The following EHMT1 variants were observed in gnomAD, a reference collection of about 807,000 sequenced individuals.
EHMT1 encodes euchromatic histone lysine methyltransferase 1.
Under a neutral mutation model 147.2 loss-of-function variants are expected in EHMT1, and 15 were observed. The ratio of observed to expected loss-of-function variants is 0.10; its 90% CI spans 0.07 to 0.16. The LOEUF (loss-of-function observed/expected upper bound fraction) is 0.16, where lower values mean the gene tolerates loss of function less well. EHMT1 is among the 10% of genes least tolerant of loss of function. EHMT1 has a pLI of 1.00. For synonymous variants in EHMT1, 795 were observed against 709.6 expected, an observed-to-expected ratio of 1.12 and a Z score of -1.91; for missense variants, 1,587 against 1,772.4, an observed-to-expected ratio of 0.90 and a Z score of 1.88.
At chr9:137,811,078 C>T (rs1223179684) in intron 18 of EHMT1, among the ~76,000 whole-genome samples, 1 of 151,942 alleles carries the variant, frequency 6.6e-6, no homozygotes, top group Non-Finnish European at 1.5e-5. Flanking sequence ...ATGACTATAC[C>T]CCTGCTTGGA....
At chr9:137,725,600 C>T (rs1409332785) in intron 3 of EHMT1, among the ~76,000 whole-genome samples, 1 of 152,110 alleles carries the variant, frequency 6.6e-6, no homozygotes, top group Non-Finnish European at 1.5e-5. Flanking sequence ...CAGTAGGGAG[C>T]CCAGGTCGTT....
intron 1 of EHMT1, among the ~76,000 whole-genome samples, chr9:137,703,509 ACC>A (rs1422043225): frequency 6.6e-6 from 1 of 152,220 alleles, no homozygotes; most frequent in East Asian, 1.9e-4. Flanking sequence ...AATTTCTTCC[ACC>A]ACATACCCTA....
intron 1 of EHMT1, among the ~76,000 whole-genome samples, chr9:137,656,483 G>A (rs924247128): frequency 1.3e-5 from 2 of 152,232 alleles, no homozygotes; most frequent in Admixed American, 1.3e-4. Context: ...GAAGTTTCCT[G>A]TTAACTATTG....
chr9:137,655,025 T>C (rs1938287076), intron 1 of EHMT1, among the ~76,000 whole-genome samples: 1 of 150,910 alleles, frequency 6.6e-6, no homozygotes, highest in Admixed American at 6.6e-5. Context: ...CGAGATGGAG[T>C]CTTGCTCTTG....
chr9:137,726,139 A>T (rs942232524), intron 3 of EHMT1, among the ~76,000 whole-genome samples: 3 of 152,034 alleles, frequency 2.0e-5, no homozygotes, highest in African/African-American at 4.8e-5. Context: ...CATAATATCA[A>T]ACTTAACCAT....
chr9:137,780,569 T>C (rs1265744347), intron 14 of EHMT1, among the ~76,000 whole-genome samples: 1 of 125,562 alleles, frequency 8.0e-6, no homozygotes, highest in Non-Finnish European at 1.6e-5. Flanking sequence ...ATCACTGAGA[T>C]GTGTGGTGAT....
At position 137,828,478 on chromosome 9, in the gene EHMT1, G is replaced by C. The variant is rs1955971851; in HGVS notation, c.3541-5871G>C. 6.6e-6 allele frequency among the ~76,000 whole-genome samples: 1 copy of C among 151,984 alleles called. No individual in the cohort carries two copies. The highest frequency in any genetic ancestry group is 2.4e-5 in the African/African-American group (1 of 41,368). On this transcript the variant is annotated intron_variant, in intron 25 of 26. Transcript: ENST00000460843. This position sits in a 1 kb window ranked among gnomAD's most constrained non-coding sequence, Gnocchi z 5.3. ...GGGCAGTGAGGCCAAGCAGAGCACA[G>C]GGTCTCGAGACCCCATGACCTCTAG...
chr9:137,680,622 T>C (rs1239203294), intron 1 of EHMT1, among the ~76,000 whole-genome samples: 2 of 152,230 alleles, frequency 1.3e-5, no homozygotes, highest in Non-Finnish European at 2.9e-5. Context: ...GTTTGTCCAT[T>C]GTGAGATGGT....
rs571048314 is a variant in EHMT1, at chr9:137,784,431, C to T, written c.2382+2034C>T. The T allele has an allele frequency of 2.6e-5, 31 of 1,190,930 alleles. No homozygotes were observed. The South Asian group carries it at 4.5e-4, about 17-fold the overall frequency. 73.8% of individuals were successfully genotyped at this position (1,190,930 alleles called of 1,614,324 possible). ...TGAAGCCAATACTTTTTTGGTCGTT[C>T]GTGCATCTTTTGAATTGGTTTTATT... is the stretch of plus-strand genomic sequence containing the variant. On this transcript the variant is annotated intron_variant, in intron 15 of 26. Coordinates refer to ENST00000460843, the MANE Select transcript of EHMT1 (RefSeq NM_024757.5).
chr9:137,755,189 T>C (rs1467287379), intron 8 of EHMT1, among the ~76,000 whole-genome samples: 1 of 152,224 alleles, frequency 6.6e-6, no homozygotes, highest in Non-Finnish European at 1.5e-5. Flanking sequence ...ATCAGTGCCA[T>C]GAGCTCCTCT....
intron 1 of EHMT1, among the ~76,000 whole-genome samples, chr9:137,645,126 G>A (rs1334946077): frequency 2.6e-5 from 4 of 152,192 alleles, no homozygotes; most frequent in African/African-American, 7.2e-5. Context: ...GCCTGCCTCG[G>A]CCTCCCGAAG....
chr9:137,823,139 C>T (rs1348957310), intron 25 of EHMT1, among the ~76,000 whole-genome samples: 2 of 148,654 alleles, frequency 1.3e-5, no homozygotes, highest in Non-Finnish European at 3.0e-5. Flanking sequence ...CACTCTGTCG[C>T]CCAGGCTGGA....
At chr9:137,814,058 C>CG (rs1235933559) in intron 21 of EHMT1, among the ~76,000 whole-genome samples, 174 of 9,466 alleles carry the variant, frequency 0.018, 1 homozygote, top group East Asian at 0.14. Flanking sequence ...CTGCCCAGGC[C>CG]CCCCCCCCCC....
At chr9:137,729,034 C>T (rs1946867405) in intron 4 of EHMT1, among the ~76,000 whole-genome samples, 1 of 152,150 alleles carries the variant, frequency 6.6e-6, no homozygotes, top group South Asian at 2.1e-4. Context: ...TACCGGGGAC[C>T]TTTTGTGGGA....
rs57385330 is a variant in EHMT1 at position 137,777,509 on chromosome 9, A to G, written c.2019-373A>G. ...ATAAAGAAAATAAACTTCCTTGAAG[A>G]TTATTTAAAAGAGACTCAAATTGTG... On this transcript the variant is annotated intron_variant, in intron 12 of 26. Coordinates refer to ENST00000460843, the MANE Select transcript of EHMT1 (RefSeq NM_024757.5). 297 of 280,992 alleles carry G rather than the reference A, an allele frequency of 1.1e-3. 2 individuals carry two copies. In the East Asian group the frequency reaches 0.017, roughly 16 times the overall value. The allele number at this position is 280,992 out of a possible 1,614,324, so 17.4% of individuals were successfully genotyped here.
chr9:137,741,480 A>G (rs188387344), intron 4 of EHMT1, among the ~76,000 whole-genome samples: 26 of 152,322 alleles, frequency 1.7e-4, no homozygotes, highest in African/African-American at 6.0e-4. Flanking sequence ...GCAGATGCAG[A>G]CAGTATGTAG....
At chr9:137,706,134 G>T (rs1944253157) in intron 1 of EHMT1, among the ~76,000 whole-genome samples, 1 of 152,184 alleles carries the variant, frequency 6.6e-6, no homozygotes, top group Non-Finnish European at 1.5e-5. Flanking sequence ...CCATGGCAGG[G>T]CAGGGCATGC....
intron 9 of EHMT1, among the ~76,000 whole-genome samples, chr9:137,760,669 G>A (rs1036396396): frequency 5.3e-5 from 8 of 152,226 alleles, no homozygotes; most frequent in African/African-American, 1.9e-4. Context: ...AAATGGGCTA[G>A]AGACAGACAG....
At chr9:137,768,571 A>C (rs1186009494) in intron 10 of EHMT1, among the ~76,000 whole-genome samples, 5 of 39,766 alleles carry the variant, frequency 1.3e-4, no homozygotes, top group Non-Finnish European at 1.8e-4. Context: ...TTTTTTTGAG[A>C]CGGAGTCTTG....
Sources: gnomAD v4.1 joint callset for allele counts (sites outside exome capture counted in the v4.1 genomes callset) on GRCh38, gnomAD v4.1.1 for gene constraint, Gnocchi (gnomAD v3.1) non-coding constraint, MANE v1.5 for transcripts, NCBI Gene and HGNC (gene_info 2026-07-23, HGNC 2026-07-21) for gene names.